Variants in BMPR1B observed in about 807,000 individuals in gnomAD.
BMPR1B encodes the protein bone morphogenetic protein receptor type-1B.
In BMPR1B, 12 loss-of-function variants were observed where a neutral mutation model predicts 59.1. The ratio of observed to expected loss-of-function variants is 0.20; its 90% CI spans 0.13 to 0.33. The LOEUF (loss-of-function observed/expected upper bound fraction) is 0.33. Ranked by LOEUF, BMPR1B falls within the 10% of genes least tolerant of loss-of-function variation. The pLI, the probability that BMPR1B is intolerant of heterozygous loss-of-function variation, is 1.00. For synonymous variants in BMPR1B, 237 were observed against 207.3 expected (o/e 1.14, Z -1.23); for missense variants, 550 against 610.9 (o/e 0.90, Z 1.05).
chr4:94,769,465 C>A (rs988533155), intron 1 of BMPR1B, among the ~76,000 whole-genome samples: 10 of 152,150 alleles, frequency 6.6e-5, no homozygotes, highest in Non-Finnish European at 1.0e-4. Context: ...ACAGAATTAG[C>A]CAGGCGTGGT....
At chr4:95,080,486 T>C (rs1729052697) in intron 3 of BMPR1B, among the ~76,000 whole-genome samples, 2 of 152,190 alleles carry the variant, frequency 1.3e-5, no homozygotes, top group Admixed American at 6.5e-5. Flanking sequence ...TCCACTCACC[T>C]TGGCCTCCTA....
chr4:95,039,816 TTTGGCCCAAGACAG>T (rs1725525696), intron 3 of BMPR1B, among the ~76,000 whole-genome samples: 1 of 152,164 alleles, frequency 6.6e-6, no homozygotes, highest in Admixed American at 6.5e-5. Flanking sequence ...GTATTTTCTA[TTTGGCCCAAGACAG>T]TTCCCCCAGT....
chr4:94,934,199 A>C (rs1560554634), intron 2 of BMPR1B, among the ~76,000 whole-genome samples: 1 of 152,326 alleles, frequency 6.6e-6, no homozygotes, highest in East Asian at 1.9e-4. Context: ...TCAGAGATTC[A>C]TCATATGAAA....
At chr4:95,023,301 C>T (rs907717535) in intron 3 of BMPR1B, among the ~76,000 whole-genome samples, 11 of 152,278 alleles carry the variant, frequency 7.2e-5, no homozygotes, top group African/African-American at 2.6e-4. Flanking sequence ...ATGTTCTTTC[C>T]AACTCTTACA....
At chr4:94,924,543 A>G (rs1241387198) in intron 2 of BMPR1B, among the ~76,000 whole-genome samples, 2 of 152,126 alleles carry the variant, frequency 1.3e-5, no homozygotes, top group Non-Finnish European at 2.9e-5. Flanking sequence ...TAGGATCAGA[A>G]TGTGTCCCAG....
intron 3 of BMPR1B, chr4:95,091,646 T>C: frequency 1.0e-6 from 1 of 985,122 alleles, no homozygotes; most frequent in Non-Finnish European, 1.2e-6. Context: ...TGGGAGAAGC[T>C]TTATATCTCA....
At chr4:94,841,949 G>A (rs1043896166) in intron 1 of BMPR1B, among the ~76,000 whole-genome samples, 1 of 152,088 alleles carries the variant, frequency 6.6e-6, no homozygotes, top group Non-Finnish European at 1.5e-5. Context: ...CTGGACAAGT[G>A]GAAGGACGTT....
intron 3 of BMPR1B, among the ~76,000 whole-genome samples, chr4:95,044,711 C>T (rs899542276): frequency 5.3e-5 from 8 of 152,108 alleles, no homozygotes; most frequent in African/African-American, 1.9e-4. Flanking sequence ...TTTCACTCTG[C>T]AGCTGAAGGG....
chr4:95,094,673 G>A (rs1218014055), intron 3 of BMPR1B, among the ~76,000 whole-genome samples: 1 of 152,050 alleles, frequency 6.6e-6, no homozygotes, highest in Non-Finnish European at 1.5e-5. Flanking sequence ...CACTTGCTAA[G>A]CCATTTAAGT....
chr4:94,883,407 C>T (rs1282556040), intron 2 of BMPR1B, among the ~76,000 whole-genome samples: 1 of 152,136 alleles, frequency 6.6e-6, no homozygotes, highest in Admixed American at 6.6e-5. Context: ...CTCTCTGCTA[C>T]TAATCAGATA....
chr4:94,822,615 T>C (rs1359384228), intron 1 of BMPR1B, among the ~76,000 whole-genome samples: 1 of 152,140 alleles, frequency 6.6e-6, no homozygotes, highest in African/African-American at 2.4e-5. Flanking sequence ...CTCAAGTCCC[T>C]GGACTGGGTG....
chr4:95,048,924 A>G (rs1222012843), intron 3 of BMPR1B, among the ~76,000 whole-genome samples: 1 of 152,188 alleles, frequency 6.6e-6, no homozygotes, highest in Non-Finnish European at 1.5e-5. Flanking sequence ...GCATATGTTA[A>G]TAATTAAATT....
At chr4:94,973,195 G>C (rs1293977861) in intron 2 of BMPR1B, among the ~76,000 whole-genome samples, 1 of 152,174 alleles carries the variant, frequency 6.6e-6, no homozygotes, top group African/African-American at 2.4e-5. Context: ...TCTGTGGATG[G>C]CTCAAATCTT....
intron 11 of BMPR1B, among the ~76,000 whole-genome samples, chr4:95,151,997 A>G (rs932412888): frequency 4.1e-4 from 63 of 152,168 alleles, no homozygotes; most frequent in African/African-American, 1.5e-3. Context: ...ATAGATTTAT[A>G]TTTCTTTTCT....
intron 1 of BMPR1B, among the ~76,000 whole-genome samples, chr4:94,789,696 T>A (rs1039030379): frequency 6.6e-6 from 1 of 152,012 alleles, no homozygotes; most frequent in African/African-American, 2.4e-5. Flanking sequence ...TATCTGAGAG[T>A]GTATGCCAGT....
intron 3 of BMPR1B, among the ~76,000 whole-genome samples, chr4:95,038,148 A>C (rs1725396989): frequency 6.6e-6 from 1 of 152,210 alleles, no homozygotes; most frequent in African/African-American, 2.4e-5. Context: ...GGGACCTTTT[A>C]GATATTGAAG....
chr4:95,093,182 T>C (rs549308972), intron 3 of BMPR1B, among the ~76,000 whole-genome samples: 1 of 151,406 alleles, frequency 6.6e-6, no homozygotes, highest in East Asian at 1.9e-4. Flanking sequence ...TCATGGTTAC[T>C]TGCTTGTCAA....
At chr4:94,994,176 C>G (rs1297849136) in intron 2 of BMPR1B, among the ~76,000 whole-genome samples, 1 of 152,160 alleles carries the variant, frequency 6.6e-6, no homozygotes, top group Non-Finnish European at 1.5e-5. Context: ...GTAGGCTATC[C>G]TACTCTATAA....
intron 3 of BMPR1B, among the ~76,000 whole-genome samples, chr4:95,066,709 C>T (rs1727833473): frequency 1.3e-5 from 2 of 152,092 alleles, no homozygotes; most frequent in African/African-American, 2.4e-5. Flanking sequence ...ACATGGGAAC[C>T]TGGTATAAAA....
Sources: allele counts gnomAD v4.1 joint callset (sites outside exome capture counted in the v4.1 genomes callset), GRCh38; gene constraint gnomAD v4.1.1; transcripts MANE v1.5; gene names NCBI Gene and HGNC (gene_info 2026-07-23, HGNC 2026-07-21).